The following ST6GAL1 variants were observed in gnomAD, a reference collection of about 807,000 sequenced individuals.
ST6GAL1 encodes ST6 beta-galactoside alpha-2,6-sialyltransferase 1, also known as beta-galactoside alpha-2,6-sialyltransferase 1.
A neutral mutation model predicts 38.0 loss-of-function variants in ST6GAL1; 20 were observed. The ratio of observed to expected loss-of-function variants is 0.53; its 90% CI spans 0.37 to 0.77. The LOEUF is 0.77. Among genes scored for constraint, ST6GAL1 ranks in the 30% least tolerant of loss-of-function variants. ST6GAL1 has a pLI of 0.00. For missense variants in ST6GAL1, 432 were observed against 496.4 expected, an observed-to-expected ratio of 0.87 and a Z score of 1.23; for synonymous variants, 196 against 188.2, an observed-to-expected ratio of 1.04 and a Z score of -0.34.
At chr3:187,041,365 C>T (rs1295059076) in intron 3 of ST6GAL1, among the ~76,000 whole-genome samples, 2 of 152,128 alleles carry the variant, frequency 1.3e-5, no homozygotes, top group Admixed American at 6.6e-5. Context: ...AGTGGGTTAG[C>T]AAAACCCCGG....
intron 5 of ST6GAL1, among the ~76,000 whole-genome samples, chr3:187,069,850 C>G (rs535612027): frequency 6.6e-6 from 1 of 152,302 alleles, no homozygotes; most frequent in South Asian, 2.1e-4. Context: ...GACAGGAACA[C>G]ACATCCCCCC....
intron 5 of ST6GAL1, among the ~76,000 whole-genome samples, chr3:187,057,724 C>T (rs1439703514): frequency 6.6e-6 from 1 of 152,128 alleles, no homozygotes; most frequent in East Asian, 1.9e-4. Flanking sequence ...CTGGGAGGTG[C>T]CTCCCAGTTA....
intron 5 of ST6GAL1, among the ~76,000 whole-genome samples, chr3:187,063,559 G>A (rs183688288): frequency 6.6e-6 from 1 of 152,338 alleles, no homozygotes; most frequent in East Asian, 1.9e-4. Context: ...ATGGATGGTA[G>A]GATCTGGAGG....
At chr3:187,032,323 G>C (rs970751867) in intron 2 of ST6GAL1, among the ~76,000 whole-genome samples, 1 of 152,128 alleles carries the variant, frequency 6.6e-6, no homozygotes, top group Non-Finnish European at 1.5e-5. Flanking sequence ...TGTTCTGGCT[G>C]CCAGCTGGAG....
At chr3:186,956,321 A>G (rs1714748858) in intron 1 of ST6GAL1, among the ~76,000 whole-genome samples, 1 of 152,146 alleles carries the variant, frequency 6.6e-6, no homozygotes, top group Non-Finnish European at 1.5e-5. Flanking sequence ...CCTGATTTGG[A>G]CTGATGTGAG....
chr3:186,966,996 G>A (rs1715153740), intron 2 of ST6GAL1, among the ~76,000 whole-genome samples: 1 of 152,182 alleles, frequency 6.6e-6, no homozygotes, highest in African/African-American at 2.4e-5. Context: ...AGAAACTCTG[G>A]CCCACACTTG....
chr3:186,967,290 C>T (rs1206501201), intron 2 of ST6GAL1, among the ~76,000 whole-genome samples: 1 of 152,204 alleles, frequency 6.6e-6, no homozygotes, highest in Non-Finnish European at 1.5e-5. Context: ...CTCCTGGGTT[C>T]AAGCGAGTCT....
At chr3:187,038,678 C>G (rs779769307) in intron 2 of ST6GAL1, 64 bp from the exon 3 acceptor site, 4 of 152,218 alleles carry the variant, frequency 2.6e-5, no homozygotes, top group Non-Finnish European at 5.9e-5. Flanking sequence ...ATGTTTAACA[C>G]TGCCTCTGCT....
chr3:186,984,068 C>T lies in ST6GAL1; in HGVS notation c.-183+20142C>T, dbSNP rs114884698. On this transcript the variant is annotated intron_variant, in intron 2 of 7. Coordinates refer to ENST00000169298, the MANE Select transcript of ST6GAL1 (RefSeq NM_173216.2). ...CCCAGGTCTGCTCTTCCTTTGTCTC[C>T]TCTTTTTCCATTAAAGTAGCACCAT... Among the ~76,000 whole-genome samples, 1,200 of 152,318 alleles carry T rather than the reference C, an allele frequency of 7.9e-3. 14 individuals are homozygous for T. Among genetic ancestry groups the T allele is most frequent in the African/African-American group, 0.028 (1,157 of 41,566 alleles).
At chr3:186,976,585 A>G (rs1313567767) in intron 2 of ST6GAL1, among the ~76,000 whole-genome samples, 1 of 149,326 alleles carries the variant, frequency 6.7e-6, no homozygotes, top group Admixed American at 6.7e-5. Context: ...ATGTGCCCCC[A>G]CACCCGGCTA....
intron 3 of ST6GAL1, among the ~76,000 whole-genome samples, chr3:187,039,896 CAG>C (rs993449671): frequency 4.6e-5 from 7 of 152,218 alleles, no homozygotes; most frequent in Non-Finnish European, 1.0e-4. Context: ...GAGGCCATGA[CAG>C]AGCACAGGCT....
chr3:186,967,323 C>G (rs149151097), intron 2 of ST6GAL1, among the ~76,000 whole-genome samples: 1 of 152,216 alleles, frequency 6.6e-6, no homozygotes, highest in East Asian at 1.9e-4. Flanking sequence ...TCCCAAGTAG[C>G]TGAGATTACA....
intron 5 of ST6GAL1, 186 bp from the exon 6 acceptor site, chr3:187,072,663 A>G (rs912721737): frequency 4.9e-6 from 3 of 613,794 alleles, no homozygotes; most frequent in South Asian, 1.6e-5. Flanking sequence ...ATGTCCTTTC[A>G]GGTCAACACA....
Position 187,076,832 on chromosome 3 carries a change from A to G in ST6GAL1, c.*1029A>G, listed in dbSNP as rs1719578944. On this transcript the variant is annotated 3_prime_UTR_variant, in exon 8 of 8. Transcript: ENST00000169298. Reference sequence around the variant, plus strand: ...CTGAGGTAGCAAGTGCAGCCTCACGACAGATACCAGGCAATCCAGAGCCAC... The same window carrying G: ...CTGAGGTAGCAAGTGCAGCCTCACGGCAGATACCAGGCAATCCAGAGCCAC... The G allele has an allele frequency of 1.8e-5, 7 of 398,926 alleles. No individual in the cohort carries two copies. The highest frequency in any genetic ancestry group is 3.1e-5 in the Non-Finnish European group (7 of 226,068). 24.7% of individuals were successfully genotyped at this position (398,926 alleles called of 1,614,324 possible). A position where few individuals can be genotyped will look rare whatever the true frequency, so the allele number is the denominator to read the frequency against.
intron 4 of ST6GAL1, 63 bp from the exon 5 acceptor site, chr3:187,051,186 T>C (rs1339439387): frequency 3.5e-6 from 5 of 1,429,796 alleles, no homozygotes; most frequent in Non-Finnish European, 3.9e-6. Context: ...GCCTCTCGTC[T>C]TTCTCTTTTT....
chr3:187,038,403 T>C (rs1226858488), intron 2 of ST6GAL1: 12 of 151,508 alleles, frequency 7.9e-5, no homozygotes, highest in Admixed American at 7.2e-4. Flanking sequence ...AGAGATGGAG[T>C]TTCACCGTGT....
chr3:187,020,961 GT>G (rs139348671), intron 2 of ST6GAL1, among the ~76,000 whole-genome samples: 7 of 146,770 alleles, frequency 4.8e-5, no homozygotes, highest in East Asian at 2.0e-4. Context: ...TGTATTGGTG[GT>G]TTTTTTTTTT....
At chr3:187,061,294 A>G (rs567112364) in intron 5 of ST6GAL1, among the ~76,000 whole-genome samples, 1 of 152,334 alleles carries the variant, frequency 6.6e-6, no homozygotes, top group African/African-American at 2.4e-5. Flanking sequence ...GATGTCAATA[A>G]TACCGAATAT....
chr3:186,966,509 C>T (rs114679380), intron 2 of ST6GAL1, among the ~76,000 whole-genome samples: 62 of 152,314 alleles, frequency 4.1e-4, no homozygotes, highest in African/African-American at 1.4e-3. Flanking sequence ...CAAGCACTTG[C>T]CCACGTGGTA....
Sources: allele counts gnomAD v4.1 joint callset (sites outside exome capture counted in the v4.1 genomes callset), GRCh38; gene constraint gnomAD v4.1.1; transcripts MANE v1.5; gene names NCBI Gene and HGNC (gene_info 2026-07-23, HGNC 2026-07-21).